NTNG1: variants seen among roughly 807,000 people sequenced by gnomAD.
NTNG1 encodes the protein netrin G1, also known as netrin-G1.
Under a neutral mutation model 54.0 loss-of-function variants are expected in NTNG1, and 16 were observed. The observed-to-expected ratio is 0.30, with a 90% CI of 0.20 to 0.45. NTNG1 has a LOEUF of 0.45. Among genes scored for constraint, NTNG1 ranks in the 20% least tolerant of loss-of-function variants. NTNG1 has a pLI of 1.00. For missense variants in NTNG1, 530 were observed against 678.7 expected, an observed-to-expected ratio of 0.78 and a Z score of 2.43; for synonymous variants, 255 against 263.1, an observed-to-expected ratio of 0.97 and a Z score of 0.30.
At chr1:107,463,775 T>C (rs887243538) in intron 7 of NTNG1, among the ~76,000 whole-genome samples, 5 of 152,130 alleles carry the variant, frequency 3.3e-5, no homozygotes, top group South Asian at 4.2e-4. Context: ...TTAGGAGTCA[T>C]TTCCATATGT....
chr1:107,160,020 C>T (rs1305823660), intron 2 of NTNG1, among the ~76,000 whole-genome samples: 1 of 152,134 alleles, frequency 6.6e-6, no homozygotes, highest in South Asian at 2.1e-4. Flanking sequence ...TTAACAAAAT[C>T]ATATTCTTGT....
At chr1:107,222,280 G>A (rs925884697) in intron 2 of NTNG1, among the ~76,000 whole-genome samples, 2 of 152,066 alleles carry the variant, frequency 1.3e-5, no homozygotes, top group Non-Finnish European at 2.9e-5. Context: ...TTCTAAAAGG[G>A]TGAAGACTAT....
intron 5 of NTNG1, among the ~76,000 whole-genome samples, chr1:107,420,446 C>T (rs1317416402): frequency 2.6e-5 from 4 of 151,998 alleles, no homozygotes; most frequent in Non-Finnish European, 4.4e-5. Context: ...TTTTCACAAG[C>T]AACTCTTCAT....
intron 2 of NTNG1, among the ~76,000 whole-genome samples, chr1:107,297,010 G>C (rs1396984361): frequency 6.7e-6 from 1 of 148,474 alleles, no homozygotes; most frequent in Non-Finnish European, 1.5e-5. Flanking sequence ...GAATCATTTT[G>C]CTGTTGCCTT....
At position 107,430,907 on chromosome 1, in the gene NTNG1, T is replaced by C; in HGVS notation, c.1245T>C (p.Asn415=). The change falls in exon 6 of 8, where the codon AAT becomes AAC. Residue 415 remains asparagine (N), a synonymous_variant. Coordinates refer to ENST00000370068, the MANE Select transcript of NTNG1 (RefSeq NM_001113226.3). ...CTTCTGCACAACTGGACGATGAGAA[T>C]GTGTGCATAGGTCAGTTCCATTACA... ...RNASAQLDDE[N]VCIECYCNPL... 1 of 1,612,988 alleles carries C rather than the reference T, an allele frequency of 6.2e-7. No individual in the cohort carries two copies. The highest frequency in any genetic ancestry group is 8.5e-7 in the Non-Finnish European group (1 of 1,179,356).
At chr1:107,320,692 G>T (rs1667605357) in intron 2 of NTNG1, among the ~76,000 whole-genome samples, 1 of 138,294 alleles carries the variant, frequency 7.2e-6, no homozygotes, top group African/African-American at 2.7e-5. Flanking sequence ...TCTCTCACCT[G>T]AAGTGCAGGG....
intron 2 of NTNG1, among the ~76,000 whole-genome samples, chr1:107,262,971 G>T (rs1016360073): frequency 4.6e-5 from 7 of 152,210 alleles, no homozygotes; most frequent in African/African-American, 1.7e-4. Context: ...AGAGGATCTG[G>T]TGGTAAAGGA....
chr1:107,173,561 A>T (rs545231407), intron 2 of NTNG1, among the ~76,000 whole-genome samples: 5 of 152,278 alleles, frequency 3.3e-5, no homozygotes, highest in Non-Finnish European at 2.9e-5. Context: ...AGCACACTCA[A>T]TGCCTTAGAA....
At chr1:107,355,348 A>G (rs1669877489) in intron 3 of NTNG1, among the ~76,000 whole-genome samples, 1 of 151,460 alleles carries the variant, frequency 6.6e-6, no homozygotes, top group Non-Finnish European at 1.5e-5. Flanking sequence ...GTTTTCTGCT[A>G]GCTTTGTGAG....
At chr1:107,155,332 T>C (rs1654903568) in intron 2 of NTNG1, among the ~76,000 whole-genome samples, 1 of 152,014 alleles carries the variant, frequency 6.6e-6, no homozygotes, top group East Asian at 1.9e-4. Context: ...CTTCTCCACT[T>C]ACTCTGATGC....
chr1:107,470,525 C>G (rs1677914481), intron 7 of NTNG1, among the ~76,000 whole-genome samples: 1 of 152,206 alleles, frequency 6.6e-6, no homozygotes, highest in Non-Finnish European at 1.5e-5. Flanking sequence ...CATGTCTGTA[C>G]TTATGGAGAT....
At chr1:107,269,764 T>C (rs1429009261) in intron 2 of NTNG1, among the ~76,000 whole-genome samples, 1 of 152,220 alleles carries the variant, frequency 6.6e-6, no homozygotes, top group East Asian at 1.9e-4. Flanking sequence ...ACATTTTATA[T>C]CTTTAGACTA....
intron 2 of NTNG1, among the ~76,000 whole-genome samples, chr1:107,306,264 A>G (rs1666690913): frequency 2.0e-5 from 3 of 152,248 alleles, no homozygotes; most frequent in Non-Finnish European, 4.4e-5. Flanking sequence ...TTCAATATGC[A>G]TCAGTATAAA....
rs1216074945 is a variant in NTNG1 at position 107,369,776 on chromosome 1, CT to C, written c.888-25377del. Among the ~76,000 whole-genome samples, 4 of 152,038 alleles carry C rather than the reference CT, an allele frequency of 2.6e-5. No homozygotes were observed. The East Asian group carries it at 5.8e-4, about 22-fold the overall frequency. ...CTAGGTGTGTTCTTTATGGATCATC[CT>C]GTTGGTGCCACATCTAAGAAACCTT... On this transcript the variant is annotated intron_variant, in intron 3 of 7. Transcript: ENST00000370068.
At chr1:107,190,430 T>A (rs1449740362) in intron 2 of NTNG1, among the ~76,000 whole-genome samples, 1 of 152,142 alleles carries the variant, frequency 6.6e-6, no homozygotes, top group Non-Finnish European at 1.5e-5. Context: ...TTTTTAAAAA[T>A]TTTATTATTA....
chr1:107,217,183 A>C (rs564727187), intron 2 of NTNG1, among the ~76,000 whole-genome samples: 2 of 152,126 alleles, frequency 1.3e-5, no homozygotes, highest in South Asian at 4.2e-4. Flanking sequence ...AGGGTTGTGT[A>C]TTTCCAGGAA....
chr1:107,215,782 T>A (rs1218287528), intron 2 of NTNG1, among the ~76,000 whole-genome samples: 2 of 152,152 alleles, frequency 1.3e-5, no homozygotes, highest in Non-Finnish European at 2.9e-5. Flanking sequence ...ATGGAATATG[T>A]TTCTATTTGC....
chr1:107,460,919 G>A (rs1417838892), intron 7 of NTNG1, among the ~76,000 whole-genome samples: 1 of 152,134 alleles, frequency 6.6e-6, no homozygotes, highest in African/African-American at 2.4e-5. Flanking sequence ...AGCCCAGAAG[G>A]TCAGAAGAAT....
chr1:107,149,056 C>T (rs1039970001), intron 2 of NTNG1, among the ~76,000 whole-genome samples: 3 of 151,964 alleles, frequency 2.0e-5, no homozygotes, highest in Admixed American at 6.6e-5. Context: ...ACTTACTTTC[C>T]GCTTCCCTGA....
Sources: allele counts gnomAD v4.1 joint callset (sites outside exome capture counted in the v4.1 genomes callset), GRCh38; gene constraint gnomAD v4.1.1; transcripts MANE v1.5; gene names NCBI Gene and HGNC (gene_info 2026-07-23, HGNC 2026-07-21).